TNRC6B: variants seen among roughly 807,000 people sequenced by gnomAD.
The protein encoded by TNRC6B is trinucleotide repeat-containing gene 6B protein.
TNRC6B carries 52 observed loss-of-function variants against 203.6 expected under a neutral mutation model. The observed-to-expected ratio is 0.26, with a 90% CI of 0.20 to 0.32. TNRC6B has a LOEUF of 0.32. Ranked by LOEUF, TNRC6B falls within the 10% of genes least tolerant of loss-of-function variation. The probability of loss-of-function intolerance (pLI) is 1.00; values close to 1 mark genes in which losing one functional copy is unlikely to be tolerated. For synonymous variants in TNRC6B, 838 were observed against 845.7 expected, an observed-to-expected ratio of 0.99 and a Z score of 0.16; for missense variants, 1,923 against 2,286.2, an observed-to-expected ratio of 0.84 and a Z score of 3.24.
rs2071431368 is a variant in TNRC6B at position 40,328,748 on chromosome 22, C to CT, written c.*5508dup. The CT allele has an allele frequency of 6.6e-6, 1 of 152,142 alleles. No homozygotes were observed. The highest frequency in any genetic ancestry group is 2.4e-5 in the African/African-American group (1 of 41,416). The allele number at this position is 152,142 out of a possible 1,614,324, so 9.4% of individuals were successfully genotyped here. A position where few individuals can be genotyped will look rare whatever the true frequency, so the allele number is the denominator to read the frequency against. ...CAGGATGTTTTCAGCAGACTTGGCTCTAATAGCCATCTCTAAGATTAGGGA... is the reference window on the plus strand; with the variant it reads ...CAGGATGTTTTCAGCAGACTTGGCTCTTAATAGCCATCTCTAAGATTAGGGA... On this transcript the variant is annotated 3_prime_UTR_variant, in exon 23 of 23. Coordinates refer to ENST00000454349, the MANE Select transcript of TNRC6B (RefSeq NM_001162501.2).
At chr22:40,156,058 G>A in intron 3 of TNRC6B, 1 of 1,508,748 alleles carries the variant, frequency 6.6e-7, no homozygotes, top group South Asian at 1.2e-5. Flanking sequence ...TGGGTTCTTG[G>A]AGTGAGTCGC....
At chr22:40,085,444 T>G (rs1049011636) in intron 1 of TNRC6B, among the ~76,000 whole-genome samples, 6 of 152,206 alleles carry the variant, frequency 3.9e-5, no homozygotes. Context: ...TTCCTAAGCT[T>G]CTTTATCTGT....
intron 3 of TNRC6B, among the ~76,000 whole-genome samples, chr22:40,252,228 G>A (rs768606347): frequency 4.6e-5 from 7 of 152,136 alleles, no homozygotes; most frequent in East Asian, 3.8e-4. Context: ...GCATAAAATC[G>A]TCAAAATATG....
Position 40,324,402 on chromosome 22 carries a change from G to A in TNRC6B, c.*1161G>A, listed in dbSNP as rs2071377846. 6.6e-6 allele frequency: 1 copy of A among 152,446 alleles called. No individual in the cohort carries two copies. Among genetic ancestry groups the A allele is most frequent in the Non-Finnish European group, 1.5e-5 (1 of 68,014 alleles). 9.4% of individuals were successfully genotyped at this position (152,446 alleles called of 1,614,324 possible). On this transcript the variant is annotated 3_prime_UTR_variant, in exon 23 of 23. Coordinates refer to ENST00000454349, the MANE Select transcript of TNRC6B (RefSeq NM_001162501.2). ...GGAACGGAAGATAACTTTTGATGATGCGATGTCTCAAAAACAGAGAAACTT... is the reference window on the plus strand; with the variant it reads ...GGAACGGAAGATAACTTTTGATGATACGATGTCTCAAAAACAGAGAAACTT...
At chr22:40,151,264 C>CGAA (rs1273132379) in intron 3 of TNRC6B, among the ~76,000 whole-genome samples, 2 of 151,990 alleles carry the variant, frequency 1.3e-5, no homozygotes, top group Non-Finnish European at 2.9e-5. Context: ...GAGTGAGACT[C>CGAA]TGTCTCAAAA....
intron 8 of TNRC6B, among the ~76,000 whole-genome samples, 158 bp downstream of exon 8, chr22:40,277,309 C>G (rs534422946): frequency 2.4e-4 from 36 of 152,280 alleles, no homozygotes; most frequent in African/African-American, 8.2e-4. Flanking sequence ...TATTTCTCTT[C>G]TATTCTTATT....
At chr22:40,293,807 A>G (rs12159726) in intron 12 of TNRC6B, among the ~76,000 whole-genome samples, 47 of 152,214 alleles carry the variant, frequency 3.1e-4, no homozygotes, top group South Asian at 1.0e-3. Flanking sequence ...TTTTGAGCGC[A>G]GTTAATATAT....
intron 1 of TNRC6B, among the ~76,000 whole-genome samples, chr22:40,061,300 C>T (rs915305103): frequency 3.9e-5 from 6 of 152,046 alleles, no homozygotes; most frequent in African/African-American, 1.2e-4. Context: ...CTGCAACCTC[C>T]GTCTTCCAGG....
At position 40,316,021 on chromosome 22, in the gene TNRC6B, G is replaced by T; in HGVS notation, c.4974+9G>T. 2 of 1,612,482 alleles carry T rather than the reference G, an allele frequency of 1.2e-6. No homozygotes were observed. The highest frequency in any genetic ancestry group is 1.7e-6 in the Non-Finnish European group (2 of 1,178,718). On this transcript the variant is annotated intron_variant, in intron 21 of 22. Transcript: ENST00000454349. ...ACAATCTCACCCCACAGGTAATTAT[G>T]CTTTCTCGCAGTTTTCTAGATAGGA... is the stretch of plus-strand genomic sequence containing the variant.
intron 3 of TNRC6B, among the ~76,000 whole-genome samples, chr22:40,256,610 C>T (rs1338621268): frequency 6.6e-6 from 1 of 152,196 alleles, no homozygotes; most frequent in Admixed American, 6.5e-5. Flanking sequence ...CAGCCACACT[C>T]ATATGTTTAC....
intron 3 of TNRC6B, among the ~76,000 whole-genome samples, chr22:40,153,557 AAAAC>A (rs2068780506): frequency 1.3e-5 from 2 of 151,728 alleles, no homozygotes; most frequent in Admixed American, 1.3e-4. Context: ...TAGAAAAAAA[AAAAC>A]AAAAAGAATA....
In TNRC6B at chr22:40,329,982, A is replaced by G. The variant is rs1329599225; in HGVS notation, c.*6741A>G. 6.6e-6 allele frequency: 1 copy of G among 152,218 alleles called. No individual in the cohort carries two copies. Among genetic ancestry groups the G allele is most frequent in the Admixed American group, 6.5e-5 (1 of 15,276 alleles). 9.4% of individuals were successfully genotyped at this position (152,218 alleles called of 1,614,324 possible). ...CAGTCTTCAGTTCTTCACTGTGACAAATGCTTATCTTGTTCATGGGAGGGG... is the reference window on the plus strand; with the variant it reads ...CAGTCTTCAGTTCTTCACTGTGACAGATGCTTATCTTGTTCATGGGAGGGG... On this transcript the variant is annotated 3_prime_UTR_variant, in exon 23 of 23. Coordinates refer to ENST00000454349, the MANE Select transcript of TNRC6B (RefSeq NM_001162501.2).
intron 1 of TNRC6B, among the ~76,000 whole-genome samples, chr22:40,072,633 G>C (rs890917612): frequency 6.6e-6 from 1 of 152,092 alleles, no homozygotes; most frequent in African/African-American, 2.4e-5. Context: ...GGAAGCCCAG[G>C]AGGGCAGATC....
At chr22:40,239,085 C>T (rs2069990180) in intron 1 of TNRC6B, among the ~76,000 whole-genome samples, 1 of 152,206 alleles carries the variant, frequency 6.6e-6, no homozygotes, top group Admixed American at 6.5e-5. Context: ...CGCCTGTAAT[C>T]TCAGCAACTC....
chr22:40,129,811 A>G lies in TNRC6B; in HGVS notation c.45+3949A>G, dbSNP rs1252634206. Reference sequence around the variant, plus strand: ...TGGAGTGGAGAATACATGGAAGTATAGATGAAGCAGGAATGGCAGAATGTT... The same window carrying G: ...TGGAGTGGAGAATACATGGAAGTATGGATGAAGCAGGAATGGCAGAATGTT... On this transcript the variant is annotated intron_variant, in intron 3 of 23. Coordinates refer to the TNRC6B transcript ENST00000301923. Among the ~76,000 whole-genome samples the G allele has an allele frequency of 6.6e-5, 10 of 152,360 alleles. No homozygotes were observed. The East Asian group carries it at 1.7e-3, about 26-fold the overall frequency.
chr22:40,159,036 C>T (rs1359758631), intron 4 of TNRC6B, among the ~76,000 whole-genome samples: 1 of 151,852 alleles, frequency 6.6e-6, no homozygotes, highest in African/African-American at 2.4e-5. Flanking sequence ...AGTCTCGGCT[C>T]ACTGCAAGCT....
At position 40,301,293 on chromosome 22, in the gene TNRC6B, A is replaced by G. The variant is rs1424229743; in HGVS notation, c.4080A>G (p.Pro1360=). ...MVPNALNVGL[P]DLQTKGPIPG... ...CCAACGCATTGAATGTGGGGCTCCC[A>G]GACCTTCAAACCAAAGGGCCAATAC... Residue 1360 remains proline (P), a synonymous_variant, in exon 15 of 23, where the codon CCA becomes CCG. Transcript: ENST00000454349. 6.2e-7 allele frequency: 1 copy of G among 1,604,064 alleles called. No individual in the cohort carries two copies. Among genetic ancestry groups the G allele is most frequent in the Non-Finnish European group, 8.5e-7 (1 of 1,174,684 alleles).
At chr22:40,220,613 T>G (rs749831746) in intron 1 of TNRC6B, among the ~76,000 whole-genome samples, 2 of 152,232 alleles carry the variant, frequency 1.3e-5, no homozygotes, top group Non-Finnish European at 2.9e-5. Context: ...ACCTTTTGGT[T>G]AGCACTGTTA....
In TNRC6B at chr22:40,325,446, C is replaced by G. The variant is rs1327943585; in HGVS notation, c.*2205C>G. On this transcript the variant is annotated 3_prime_UTR_variant, in exon 23 of 23. Coordinates refer to ENST00000454349, the MANE Select transcript of TNRC6B (RefSeq NM_001162501.2). ...TCAAAAGAGATTGACAGGCATGACTCAAGTGAGTGTTCACATATACAAGCC... is the reference window on the plus strand; with the variant it reads ...TCAAAAGAGATTGACAGGCATGACTGAAGTGAGTGTTCACATATACAAGCC... 1.3e-5 allele frequency: 2 copies of G among 152,568 alleles called. No homozygotes were observed. Among genetic ancestry groups the G allele is most frequent in the East Asian group, 3.9e-4 (2 of 5,192 alleles). The allele number at this position is 152,568 out of a possible 1,614,324, so 9.5% of individuals were successfully genotyped here. A position where few individuals can be genotyped will look rare whatever the true frequency, so the allele number is the denominator to read the frequency against.
Sources: gnomAD v4.1 joint callset for allele counts (sites outside exome capture counted in the v4.1 genomes callset) on GRCh38, gnomAD v4.1.1 for gene constraint, MANE v1.5 for transcripts, NCBI Gene and HGNC (gene_info 2026-07-23, HGNC 2026-07-21) for gene names.